CDH13: variants seen among roughly 807,000 people sequenced by gnomAD.
The protein encoded by CDH13 is cadherin-13.
Under a neutral mutation model 63.8 loss-of-function variants are expected in CDH13, and 24 were observed. That is an observed-to-expected ratio of 0.38 (90% CI 0.27 to 0.53). The LOEUF (loss-of-function observed/expected upper bound fraction) is 0.53. CDH13 is among the 20% of genes least tolerant of loss of function. The pLI is 0.85. For synonymous variants in CDH13, 503 were observed against 355.3 expected (o/e 1.42, Z -4.67); for missense variants, 1,049 against 903.1 (o/e 1.16, Z -2.07).
At chr16:82,742,541 A>G (rs1414444159) in intron 1 of CDH13, among the ~76,000 whole-genome samples, 3 of 152,060 alleles carry the variant, frequency 2.0e-5, no homozygotes, top group Non-Finnish European at 4.4e-5. Context: ...ATTGGGTTCC[A>G]TTTCTCTTTT....
At position 82,858,434 on chromosome 16, in the gene CDH13, C is replaced by G. The variant is rs776022987; in HGVS notation, c.118C>G (p.Gln40Glu). ...TCAGCAGAAAGTGTTCCATATCAAT[C>G]AGCCAGCTGAATTCATTGAGGACCA... ...GFQQKVFHIN[Q>E]PAEFIEDQSI... Residue 40 changes from glutamine (Q) to glutamate (E), a missense_variant, in exon 2 of 14, where the codon CAG (glutamine) becomes GAG (glutamate). Coordinates refer to ENST00000567109, the MANE Select transcript of CDH13 (RefSeq NM_001257.5). 2.5e-5 allele frequency: 41 copies of G among 1,613,538 alleles called. No homozygotes were observed. The highest frequency in any genetic ancestry group is 3.4e-5 in the Non-Finnish European group (40 of 1,179,450).
At chr16:83,718,095 G>A (rs991167120) in intron 10 of CDH13, among the ~76,000 whole-genome samples, 2 of 152,234 alleles carry the variant, frequency 1.3e-5, no homozygotes, top group African/African-American at 4.8e-5. Flanking sequence ...ACAAGGGTTA[G>A]GGTGAAAATA....
intron 4 of CDH13, among the ~76,000 whole-genome samples, chr16:83,164,117 C>A (rs917731863): frequency 2.0e-5 from 3 of 151,996 alleles, no homozygotes; most frequent in Admixed American, 1.3e-4. Context: ...CTCCAAAGCC[C>A]GTGTGCTTAT....
intron 7 of CDH13, among the ~76,000 whole-genome samples, chr16:83,497,322 T>C (rs1160223080): frequency 3.3e-5 from 5 of 152,048 alleles, no homozygotes; most frequent in Non-Finnish European, 5.9e-5. Flanking sequence ...CATGGAATAC[T>C]ATGCAGCCAT....
At chr16:83,650,708 C>T (rs1172115087) in intron 8 of CDH13, among the ~76,000 whole-genome samples, 1 of 152,048 alleles carries the variant, frequency 6.6e-6, no homozygotes, top group Non-Finnish European at 1.5e-5. Flanking sequence ...ATTATCCATC[C>T]CAGAATGTCA....
chr16:83,718,376 A>G (rs1463340992), intron 10 of CDH13, among the ~76,000 whole-genome samples: 1 of 152,208 alleles, frequency 6.6e-6, no homozygotes, highest in African/African-American at 2.4e-5. Context: ...GAAAATAGTG[A>G]AAGTATGGTT....
chr16:83,084,120 T>A (rs376223830), intron 3 of CDH13, among the ~76,000 whole-genome samples: 2 of 152,184 alleles, frequency 1.3e-5, no homozygotes, highest in African/African-American at 4.8e-5. Context: ...ATTTGGATGT[T>A]ATAGGTAGCG....
At chr16:83,572,175 GGTGT>G (rs71148844) in intron 7 of CDH13, among the ~76,000 whole-genome samples, 3,989 of 145,664 alleles carry the variant, frequency 0.027, 70 homozygotes, top group Non-Finnish European at 0.038. Flanking sequence ...ACTTTCCTGT[GGTGT>G]GTGTGTGTGT....
At chr16:83,747,455 G>A (rs1207885539) in intron 10 of CDH13, among the ~76,000 whole-genome samples, 1 of 152,116 alleles carries the variant, frequency 6.6e-6, no homozygotes, top group East Asian at 1.9e-4. Context: ...GGCCTCCTTA[G>A]CCACATGGAA....
At chr16:82,660,747 G>C (rs868605445) in intron 1 of CDH13, among the ~76,000 whole-genome samples, 1 of 152,180 alleles carries the variant, frequency 6.6e-6, no homozygotes, top group African/African-American at 2.4e-5. Context: ...AAAACAGCTT[G>C]ATTTGTAGGG....
chr16:82,702,556 T>A (rs1046343035), intron 1 of CDH13, among the ~76,000 whole-genome samples: 7 of 152,212 alleles, frequency 4.6e-5, no homozygotes, highest in Non-Finnish European at 8.8e-5. Flanking sequence ...TCCCATCAGA[T>A]GAACAATTTT....
At chr16:83,711,046 C>G (rs983766242) in intron 10 of CDH13, among the ~76,000 whole-genome samples, 1 of 152,192 alleles carries the variant, frequency 6.6e-6, no homozygotes, top group African/African-American at 2.4e-5. Context: ...TTCTGGCCAC[C>G]AGCAGAGGTG....
intron 1 of CDH13, among the ~76,000 whole-genome samples, chr16:82,672,060 C>G (rs563490641): frequency 6.6e-6 from 1 of 152,278 alleles, no homozygotes; most frequent in South Asian, 2.1e-4. Context: ...CACTCTCTCT[C>G]TTGCTTTTCA....
intron 1 of CDH13, among the ~76,000 whole-genome samples, chr16:82,843,232 G>A (rs1207921372): frequency 6.6e-6 from 1 of 152,174 alleles, no homozygotes; most frequent in Non-Finnish European, 1.5e-5. Flanking sequence ...TTGACAATTA[G>A]TGTATATTGT....
chr16:82,992,363 A>C (rs1332691198), intron 2 of CDH13, among the ~76,000 whole-genome samples: 1 of 152,224 alleles, frequency 6.6e-6, no homozygotes, highest in Non-Finnish European at 1.5e-5. Flanking sequence ...CATTAAATGG[A>C]GATTTTGATA....
intron 1 of CDH13, among the ~76,000 whole-genome samples, chr16:82,841,269 C>T (rs138546675): frequency 1.4e-3 from 212 of 152,308 alleles, no homozygotes; most frequent in Non-Finnish European, 2.7e-3. Context: ...CCATATGGGA[C>T]GTGCCAGCCA....
intron 7 of CDH13, among the ~76,000 whole-genome samples, chr16:83,584,561 A>G (rs1905960734): frequency 6.6e-6 from 1 of 152,302 alleles, no homozygotes; most frequent in East Asian, 1.9e-4. Flanking sequence ...GTCTGAATGT[A>G]GAGAATTGCA....
chr16:82,817,973 A>C (rs1259489534), intron 1 of CDH13, among the ~76,000 whole-genome samples: 12 of 152,176 alleles, frequency 7.9e-5, no homozygotes, highest in Admixed American at 7.9e-4. Flanking sequence ...ATGTATACAC[A>C]CATACATTTT....
chr16:83,481,677 G>A (rs980649936), intron 6 of CDH13, among the ~76,000 whole-genome samples: 1 of 152,164 alleles, frequency 6.6e-6, no homozygotes, highest in African/African-American at 2.4e-5. Context: ...AGGAACCTGG[G>A]ATGTTTTCTT....
Sources: allele counts gnomAD v4.1 joint callset (sites outside exome capture counted in the v4.1 genomes callset), GRCh38; gene constraint gnomAD v4.1.1; transcripts MANE v1.5; gene names NCBI Gene and HGNC (gene_info 2026-07-23, HGNC 2026-07-21).